DSG3: variants seen among roughly 807,000 people sequenced by gnomAD.
DSG3 encodes the protein desmoglein 3.
Under a neutral mutation model 85.9 loss-of-function variants are expected in DSG3, and 63 were observed. The observed-to-expected ratio is 0.73, with a 90% CI of 0.60 to 0.90. The LOEUF (loss-of-function observed/expected upper bound fraction) is 0.90, where lower values mean the gene tolerates loss of function less well. Among genes scored for constraint, DSG3 ranks in the 40% least tolerant of loss-of-function variants. The pLI is 0.00. For synonymous variants in DSG3, 447 were observed against 441.9 expected (o/e 1.01, Z -0.14); for missense variants, 1,220 against 1,219.9 (o/e 1.00, Z 0.00).
Position 31,474,301 on chromosome 18 carries a change from G to T in DSG3, c.2282G>T (p.Gly761Val), listed in dbSNP as rs376410069. The T allele has an allele frequency of 1.2e-6, 2 of 1,614,122 alleles. No individual in the cohort carries two copies. The highest frequency in any genetic ancestry group is 1.7e-5 in the Admixed American group (1 of 60,018). ...AATGVGICSS[G>V]QSGTMRTRHS... Reference sequence around the variant, plus strand: ...ACTGGAGTTGGCATCTGTTCCTCAGGGCAGTCTGGAACCATGAGAACAAGG... The same window carrying T: ...ACTGGAGTTGGCATCTGTTCCTCAGTGCAGTCTGGAACCATGAGAACAAGG... Residue 761 changes from glycine (G) to valine (V), a missense_variant, in exon 15 of 16, where the codon GGG (glycine) becomes GTG (valine). By Grantham distance (109) the Gly-to-Val change is moderately radical. Transcript: ENST00000257189.
At chr18:31,464,062 C>A in intron 8 of DSG3, 49 bp from the exon 9 acceptor site, 1 of 1,556,316 alleles carries the variant, frequency 6.4e-7, no homozygotes, top group South Asian at 1.2e-5. Flanking sequence ...ACTGGGTTTG[C>A]GGGAGTGTAT....
chr18:31,448,327 C>T (rs2072690936), intron 1 of DSG3, among the ~76,000 whole-genome samples: 1 of 152,148 alleles, frequency 6.6e-6, no homozygotes, highest in African/African-American at 2.4e-5. Context: ...TAGCTAAGAA[C>T]TCTACACGCC....
At position 31,472,389 on chromosome 18, in the gene DSG3, A is replaced by C. The variant is rs202143131; in HGVS notation, c.2003A>C (p.Gln668Pro). 4 of 1,614,092 alleles carry C rather than the reference A, an allele frequency of 2.5e-6. No homozygotes were observed. The highest frequency in any genetic ancestry group is 3.4e-6 in the Non-Finnish European group (4 of 1,179,996). ...VPDGSEGTIH[Q>P]WGIEGAHPED... ...GATGGCTCAGAAGGAACAATTCATC[A>C]GTGGGGAATTGAAGGAGCCCATCCT... Residue 668 changes from glutamine (Q) to proline (P), a missense_variant, in exon 13 of 16, where the codon CAG becomes CCG. Physicochemically the swap from Gln to Pro is moderately conservative, Grantham distance 76. Transcript: ENST00000257189.
chr18:31,472,587 A>C (rs756603620), intron 13 of DSG3, 138 bp from the exon 14 acceptor site: 25 of 1,255,090 alleles, frequency 2.0e-5, no homozygotes, highest in Non-Finnish European at 2.8e-5. Flanking sequence ...ATGTCAAATC[A>C]CAGAAATGGT....
In DSG3 at chr18:31,476,490, T is replaced by C. The variant is rs903557211; in HGVS notation, c.*230T>C. The C allele has an allele frequency of 3.2e-5, 14 of 432,850 alleles. No homozygotes were observed. The highest frequency in any genetic ancestry group is 5.5e-5 in the Non-Finnish European group (14 of 253,908). The allele number at this position is 432,850 out of a possible 1,614,324, so 26.8% of individuals were successfully genotyped here. ...AAATTGTAGTAAATCTTAAAGTTTT[T>C]CAAAACCCTAAAATCATATTCGCCA... On this transcript the variant is annotated 3_prime_UTR_variant, in exon 16 of 16. Transcript: ENST00000257189.
At chr18:31,474,449 T>C (rs2072875069) in intron 15 of DSG3, 45 bp downstream of exon 15, 1 of 1,543,154 alleles carries the variant, frequency 6.5e-7, no homozygotes, top group African/African-American at 1.4e-5. Flanking sequence ...TTATTTACAT[T>C]AGAGAACTTT....
chr18:31,467,521 T>C (rs1313126981), intron 11 of DSG3, among the ~76,000 whole-genome samples: 3 of 152,198 alleles, frequency 2.0e-5, no homozygotes, highest in African/African-American at 7.2e-5. Flanking sequence ...ATTGAGAGCA[T>C]AGCGGACTGA....
intron 5 of DSG3, 75 bp from the exon 6 acceptor site, chr18:31,459,770 T>C: frequency 1.3e-5 from 18 of 1,389,526 alleles, no homozygotes; most frequent in Non-Finnish European, 1.7e-5. Context: ...CAATGTGAAC[T>C]TGTTTGGAAT....
At chr18:31,459,525 C>G (rs764042643) in intron 5 of DSG3, among the ~76,000 whole-genome samples, 4 of 152,134 alleles carry the variant, frequency 2.6e-5, no homozygotes, top group Non-Finnish European at 4.4e-5. Flanking sequence ...CAGAGACACA[C>G]TCACATTACT....
chr18:31,474,667 ATTGCTTGCACCCAGGAGGT>A (rs1425350830), intron 15 of DSG3, among the ~76,000 whole-genome samples: 1 of 152,146 alleles, frequency 6.6e-6, no homozygotes, highest in Non-Finnish European at 1.5e-5. Flanking sequence ...AGGTGGGAGG[ATTGCTTGCACCCAGGAGGT>A]AGAAGCTGCA....
chr18:31,472,664 A>C, intron 13 of DSG3, 61 bp from the exon 14 acceptor site: 1 of 1,545,912 alleles, frequency 6.5e-7, no homozygotes, highest in Non-Finnish European at 8.9e-7. Context: ...GCCACATGTC[A>C]CTATATTGCT....
At chr18:31,464,480 A>T in intron 9 of DSG3, 98 bp downstream of exon 9, 1 of 1,302,528 alleles carries the variant, frequency 7.7e-7, no homozygotes, top group Non-Finnish European at 1.0e-6. Context: ...AAGAATAGAG[A>T]TATGACATTG....
intron 1 of DSG3, among the ~76,000 whole-genome samples, chr18:31,450,373 C>A (rs2072704145): frequency 6.6e-6 from 1 of 152,076 alleles, no homozygotes; most frequent in Non-Finnish European, 1.5e-5. Flanking sequence ...AGAATCTGGA[C>A]ATGAATTGGA....
In DSG3 at chr18:31,465,400, C is replaced by A; in HGVS notation, c.1354C>A (p.Arg452=). 1.3e-6 allele frequency: 2 copies of A among 1,544,338 alleles called. No individual in the cohort carries two copies. Among genetic ancestry groups the A allele is most frequent in the Admixed American group, 1.9e-5 (1 of 51,478 alleles). The part of the protein sequence containing the change: ...AEIKFVKNMN[R]DSTFIVNKTI... ...AATCAAATTTGTCAAAAATATGAAC[C>A]GAGATTCTACTTTCATAGTTAACAA... The change falls in exon 10 of 16, where the codon CGA becomes AGA. Residue 452 remains arginine (R), a synonymous_variant. Transcript: ENST00000257189.
chr18:31,450,589 T>A (rs2072705731), intron 1 of DSG3, among the ~76,000 whole-genome samples: 2 of 152,192 alleles, frequency 1.3e-5, no homozygotes, highest in Non-Finnish European at 2.9e-5. Context: ...GAAGGTTTTG[T>A]AATAATCCAC....
Position 31,475,645 on chromosome 18 carries a change from G to C in DSG3, c.2386-1G>C. 6.2e-7 allele frequency: 1 copy of C among 1,611,982 alleles called. No individual in the cohort carries two copies. Among genetic ancestry groups the C allele is most frequent in the Non-Finnish European group, 8.5e-7 (1 of 1,179,270 alleles). Reference sequence around the variant, plus strand: ...TTTTTCCCACTTTTTCTCTGTCTTAGAAAGCATTTGCCTGTGCGGAGGAAG... The same window carrying C: ...TTTTTCCCACTTTTTCTCTGTCTTACAAAGCATTTGCCTGTGCGGAGGAAG... On this transcript the variant is annotated splice_acceptor_variant, in intron 15 of 15. Coordinates refer to ENST00000257189, the MANE Select transcript of DSG3 (RefSeq NM_001944.3). LOFTEE classifies it high-confidence loss of function.
rs1301632591 is a variant in DSG3, at chr18:31,459,913, T to C, written c.586T>C (p.Phe196Leu). 6.2e-7 allele frequency: 1 copy of C among 1,614,080 alleles called. No individual in the cohort carries two copies. The highest frequency in any genetic ancestry group is 8.5e-7 in the Non-Finnish European group (1 of 1,179,978). The change falls in exon 6 of 16, where the codon TTC becomes CTC. Residue 196 changes from phenylalanine to leucine, a missense_variant. Phe to Leu is a conservative substitution (Grantham distance 22, BLOSUM62 0). Coordinates refer to ENST00000257189, the MANE Select transcript of DSG3 (RefSeq NM_001944.3). Reference protein sequence around the residue: ...EPNHLNSKIAFKIVSQEPAGT... With the variant: ...EPNHLNSKIALKIVSQEPAGT... ...AAACCACTTGAATTCTAAAATTGCC[T>C]TCAAAATTGTCTCTCAGGAACCAGC... is the stretch of plus-strand genomic sequence containing the variant.
At position 31,456,494 on chromosome 18, in the gene DSG3, T is replaced by C. The variant is rs2072742723; in HGVS notation, c.84+19T>C. On this transcript the variant is annotated intron_variant, in intron 2 of 15. Coordinates refer to ENST00000257189, the MANE Select transcript of DSG3 (RefSeq NM_001944.3). ...AATAGAGGTAAAGTATGAAAAAGGT[T>C]TTTGTACTTAAAATAATAGTTTAGT... 7.7e-7 allele frequency: 1 copy of C among 1,303,284 alleles called. No individual in the cohort carries two copies. The highest frequency in any genetic ancestry group is 9.9e-7 in the Non-Finnish European group (1 of 1,009,242). The allele number at this position is 1,303,284 out of a possible 1,614,324, so 80.7% of individuals were successfully genotyped here.
Position 31,469,122 on chromosome 18 carries a change from T to A in DSG3, c.1670T>A (p.Ile557Lys). The change falls in exon 12 of 16, where the codon ATA becomes AAA. Residue 557 changes from isoleucine to lysine, a missense_variant. Ile to Lys is a moderately radical substitution (Grantham distance 102). Coordinates refer to ENST00000257189, the MANE Select transcript of DSG3 (RefSeq NM_001944.3). ...TSALLRAQEQ[I>K]PPGVYHISLV... ...GCCCTCCTCAGAGCCCAGGAACAGA[T>A]ACCTCCTGGAGTATACCACATCTCC... is the stretch of plus-strand genomic sequence containing the variant. The A allele has an allele frequency of 1.2e-6, 2 of 1,614,180 alleles. No individual in the cohort carries two copies. The highest frequency in any genetic ancestry group is 1.7e-6 in the Non-Finnish European group (2 of 1,180,002).
Sources: gnomAD v4.1 joint callset for allele counts (sites outside exome capture counted in the v4.1 genomes callset) on GRCh38, gnomAD v4.1.1 for gene constraint, MANE v1.5 for transcripts, NCBI Gene and HGNC (gene_info 2026-07-23, HGNC 2026-07-21) for gene names.